AIG1: variants seen among roughly 807,000 people sequenced by gnomAD.
AIG1 encodes androgen-induced gene 1 protein.
In AIG1, 23 loss-of-function variants were observed where a neutral mutation model predicts 31.4. The observed-to-expected ratio is 0.73, with a 90% CI of 0.53 to 1.04. AIG1 has a LOEUF of 1.04. AIG1 is among the 50% of genes least tolerant of loss of function. The pLI is 0.00. For missense variants in AIG1, 274 were observed against 295.0 expected, an observed-to-expected ratio of 0.93 and a Z score of 0.52; for synonymous variants, 100 against 110.5, an observed-to-expected ratio of 0.90 and a Z score of 0.60.
chr6:143,200,502 C>A (rs1790612130), intron 3 of AIG1, among the ~76,000 whole-genome samples: 1 of 152,102 alleles, frequency 6.6e-6, no homozygotes, highest in Non-Finnish European at 1.5e-5. Flanking sequence ...TAAGCTTCTC[C>A]AGAGTTGTCA....
Position 143,268,277 on chromosome 6 carries a change from G to A in AIG1, c.400-15833G>A, listed in dbSNP as rs77466001. ...GTTTCTTCCTCCAGCCCCCTTCCCC[G>A]TTGCTCTGCCTCATGAGGGAATTAG... On this transcript the variant is annotated intron_variant, in intron 3 of 5. Transcript: ENST00000357847. The surrounding 1 kb of genome is among the most constrained non-coding windows in gnomAD (Gnocchi z 5.0). Among the ~76,000 whole-genome samples the A allele has an allele frequency of 7.0e-3, 1,072 of 152,130 alleles. 13 individuals carry two copies. Among genetic ancestry groups the A allele is most frequent in the African/African-American group, 0.023 (939 of 41,476 alleles).
At chr6:143,283,988 A>G in intron 3 of AIG1, 122 bp from the exon 4 acceptor site, 1 of 603,908 alleles carries the variant, frequency 1.7e-6, no homozygotes, top group Non-Finnish European at 2.9e-6. Context: ...GGCGAGCCAT[A>G]GACTTCTTTC....
rs1160220633 is a variant in AIG1 at position 143,326,920 on chromosome 6, G to A, written c.516-6362G>A. Among the ~76,000 whole-genome samples the A allele has an allele frequency of 6.6e-6, 1 of 152,128 alleles. No individual in the cohort carries two copies. The highest frequency in any genetic ancestry group is 1.5e-5 in the Non-Finnish European group (1 of 68,012). ...GATGGGGCCAAAGAGACCGATAGAA[G>A]CCACTCTATGAAGAGCACTCTAGAC... On this transcript the variant is annotated intron_variant, in intron 4 of 5. Transcript: ENST00000357847. This position sits in a 1 kb window ranked among gnomAD's most constrained non-coding sequence, Gnocchi z 4.5.
chr6:143,194,520 G>A (rs1170779661), intron 3 of AIG1, among the ~76,000 whole-genome samples: 3 of 152,174 alleles, frequency 2.0e-5, no homozygotes, highest in Non-Finnish European at 4.4e-5. Context: ...TTTTAAATAT[G>A]AGACATTCTC....
At chr6:143,090,905 G>A (rs1215434442) in intron 1 of AIG1, among the ~76,000 whole-genome samples, 1 of 151,502 alleles carries the variant, frequency 6.6e-6, no homozygotes, top group East Asian at 1.9e-4. Context: ...ATGCTTGGTA[G>A]CATTTTACCC....
At chr6:143,156,050 G>A (rs1199854155) in intron 2 of AIG1, among the ~76,000 whole-genome samples, 1 of 152,208 alleles carries the variant, frequency 6.6e-6, no homozygotes, top group Non-Finnish European at 1.5e-5. Flanking sequence ...GGGACAGGGA[G>A]TGACAAAGGA....
chr6:143,341,766 A>G (rs1165661196), downstream of AIG1, among the ~76,000 whole-genome samples: 1 of 152,234 alleles, frequency 6.6e-6, no homozygotes, highest in Admixed American at 6.5e-5. Context: ...GTAACAGCAA[A>G]TTAATACGAA....
intron 3 of AIG1, among the ~76,000 whole-genome samples, chr6:143,245,318 T>C (rs2128642858): frequency 6.6e-6 from 1 of 152,348 alleles, no homozygotes; most frequent in African/African-American, 2.4e-5. Flanking sequence ...GAATTTCTTT[T>C]TTAACAAATA....
chr6:143,315,763 G>C (rs1208209300), intron 4 of AIG1, among the ~76,000 whole-genome samples: 1 of 152,036 alleles, frequency 6.6e-6, no homozygotes, highest in African/African-American at 2.4e-5. Flanking sequence ...AGAATTTTTA[G>C]ATACAACACC....
At chr6:143,218,416 A>G (rs903018213) in intron 3 of AIG1, among the ~76,000 whole-genome samples, 4 of 152,232 alleles carry the variant, frequency 2.6e-5, no homozygotes, top group Admixed American at 6.5e-5. Context: ...ATCGCTTTCC[A>G]TGGTCAAAAA....
chr6:143,126,790 C>T (rs983958758), intron 1 of AIG1, among the ~76,000 whole-genome samples: 1 of 152,160 alleles, frequency 6.6e-6, no homozygotes, highest in African/African-American at 2.4e-5. Context: ...GTGCTACTTT[C>T]ATTTCTGCAT....
At chr6:143,249,155 T>A (rs985651004) in intron 3 of AIG1, among the ~76,000 whole-genome samples, 8 of 152,218 alleles carry the variant, frequency 5.3e-5, no homozygotes, top group Non-Finnish European at 1.0e-4. Context: ...TCACCTGAGA[T>A]GTTAATGACC....
intron 2 of AIG1, among the ~76,000 whole-genome samples, chr6:143,147,933 T>A (rs1784845072): frequency 6.6e-6 from 1 of 152,192 alleles, no homozygotes; most frequent in South Asian, 2.1e-4. Flanking sequence ...ACGATTTATT[T>A]AATCTTCACA....
Position 143,135,986 on chromosome 6 carries a change from A to C in AIG1, c.142-849A>C, listed in dbSNP as rs9390059. On this transcript the variant is annotated intron_variant, in intron 1 of 5. Transcript: ENST00000357847. Reference sequence around the variant, plus strand: ...CTTTCCATAATTTGAATGATCATCTATCTAGCTGCATTACAGTATGCTGCC... The same window carrying C: ...CTTTCCATAATTTGAATGATCATCTCTCTAGCTGCATTACAGTATGCTGCC... Among the ~76,000 whole-genome samples the C allele has an allele frequency of 1.9e-4, 29 of 152,248 alleles. No homozygotes were observed. The South Asian group carries it at 6.0e-3, about 32-fold the overall frequency.
intron 3 of AIG1, among the ~76,000 whole-genome samples, chr6:143,247,321 G>C (rs1243189505): frequency 6.6e-6 from 1 of 152,282 alleles, no homozygotes; most frequent in Admixed American, 6.5e-5. Context: ...TAGTAGAGAC[G>C]GGGCTTCCCC....
intron 1 of AIG1, among the ~76,000 whole-genome samples, chr6:143,079,930 T>A (rs7754388): frequency 0.25 from 38,330 of 152,114 alleles, 8,732 homozygotes; most frequent in African/African-American, 0.58. Context: ...CCATGCTCTC[T>A]GGCGATATAT....
chr6:143,289,384 G>T (rs1180915032), intron 4 of AIG1, among the ~76,000 whole-genome samples: 2 of 152,016 alleles, frequency 1.3e-5, no homozygotes, highest in East Asian at 3.9e-4. Flanking sequence ...TGTTAATCCT[G>T]GTCAGTTGTG....
rs990608869 is a variant in AIG1, at chr6:143,326,720, C to T, written c.516-6562C>T. 3.4e-4 allele frequency among the ~76,000 whole-genome samples: 51 copies of T among 152,102 alleles called. No homozygotes were observed. The highest frequency in any genetic ancestry group is 1.2e-3 in the African/African-American group (49 of 41,406). ...TAATTGATCAGTTGTACCAGTTGAGCTAATATAGAAAAGATACATATAACC... is the reference window on the plus strand; with the variant it reads ...TAATTGATCAGTTGTACCAGTTGAGTTAATATAGAAAAGATACATATAACC... On this transcript the variant is annotated intron_variant, in intron 4 of 5. Coordinates refer to ENST00000357847, the MANE Select transcript of AIG1 (RefSeq NM_016108.4). The surrounding 1 kb of genome is among the most constrained non-coding windows in gnomAD (Gnocchi z 4.5).
intron 1 of AIG1, among the ~76,000 whole-genome samples, chr6:143,071,020 C>T (rs550368159): frequency 6.6e-6 from 1 of 152,292 alleles, no homozygotes; most frequent in African/African-American, 2.4e-5. Context: ...GATATTAAAA[C>T]AGTAAAGTTA....
Sources: gnomAD v4.1 joint callset for allele counts (sites outside exome capture counted in the v4.1 genomes callset) on GRCh38, gnomAD v4.1.1 for gene constraint, Gnocchi (gnomAD v3.1) non-coding constraint, MANE v1.5 for transcripts, NCBI Gene and HGNC (gene_info 2026-07-23, HGNC 2026-07-21) for gene names.